The following USP24 variants were observed in gnomAD, a reference collection of about 807,000 sequenced individuals.
USP24 encodes ubiquitin specific peptidase 24.
In USP24, 97 loss-of-function variants were observed where a neutral mutation model predicts 361.6. That is an observed-to-expected ratio of 0.27 (90% CI 0.23 to 0.32). The LOEUF is 0.32. Ranked by LOEUF, USP24 falls within the 10% of genes least tolerant of loss-of-function variation. The probability of loss-of-function intolerance (pLI) is 1.00; values close to 1 mark genes in which losing one functional copy is unlikely to be tolerated. For missense variants in USP24, 2,353 were observed against 3,165.6 expected, an observed-to-expected ratio of 0.74 and a Z score of 6.16; for synonymous variants, 1,098 against 1,124.6, an observed-to-expected ratio of 0.98 and a Z score of 0.47.
intron 58 of USP24, among the ~76,000 whole-genome samples, chr1:55,081,689 G>C (rs1334245253): frequency 1.3e-5 from 2 of 152,186 alleles, no homozygotes; most frequent in African/African-American, 4.8e-5. Context: ...GAAAAACTCT[G>C]AGGCTGGAGA....
chr1:55,171,298 T>C lies in USP24; in HGVS notation c.825+258A>G, dbSNP rs550296297. On this transcript the variant is annotated intron_variant, in intron 5 of 67. Transcript: ENST00000294383. Reference sequence around the variant, plus strand: ...TTAAACTGGGGTTCTGATAATCTAATAGATGACGCTAAAGACATTTCTCAT... The same window carrying C: ...TTAAACTGGGGTTCTGATAATCTAACAGATGACGCTAAAGACATTTCTCAT... Among the ~76,000 whole-genome samples, 21 of 152,310 alleles carry C rather than the reference T, an allele frequency of 1.4e-4. No homozygotes were observed. In the South Asian group the frequency reaches 1.4e-3, roughly 11 times the overall value.
chr1:55,128,712 C>CTTTT (rs1557604215), intron 32 of USP24, among the ~76,000 whole-genome samples: 1 of 141,520 alleles, frequency 7.1e-6, no homozygotes, highest in Non-Finnish European at 1.6e-5. Flanking sequence ...TGCTTTAATA[C>CTTTT]CTTTTTTTTT....
intron 56 of USP24, 87 bp downstream of exon 56, chr1:55,085,855 C>T: frequency 7.2e-7 from 1 of 1,380,202 alleles, no homozygotes; most frequent in Non-Finnish European, 1.0e-6. Flanking sequence ...TACCAGACTC[C>T]AATCCTAGGC....
At chr1:55,104,727 A>C (rs1160598732) in intron 41 of USP24, among the ~76,000 whole-genome samples, 1 of 152,164 alleles carries the variant, frequency 6.6e-6, no homozygotes, top group Non-Finnish European at 1.5e-5. Flanking sequence ...ATGTAGGAGG[A>C]GGCATTTAAG....
intron 26 of USP24, 121 bp from the exon 27 acceptor site, chr1:55,138,025 C>A: frequency 1.0e-6 from 1 of 955,786 alleles, no homozygotes; most frequent in South Asian, 1.6e-5. Context: ...CAGCAGAGAA[C>A]ATAAAGACAA....
rs781702444 is a variant in USP24 at position 55,096,940 on chromosome 1, G to A, written c.5936+12C>T. 2.5e-6 allele frequency: 4 copies of A among 1,610,654 alleles called. No individual in the cohort carries two copies. The highest frequency in any genetic ancestry group is 2.2e-5 in the East Asian group (1 of 44,764). On this transcript the variant is annotated intron_variant, in intron 49 of 67. Transcript: ENST00000294383. Reference sequence around the variant, plus strand: ...CAGAAAGTGAGTAAGTGCTGCCTCAGGAAACTCTTACCGCCTGTCCTTAAT... The same window carrying A: ...CAGAAAGTGAGTAAGTGCTGCCTCAAGAAACTCTTACCGCCTGTCCTTAAT...
At chr1:55,106,563 G>A (rs1182580024) in intron 40 of USP24, among the ~76,000 whole-genome samples, 6 of 152,276 alleles carry the variant, frequency 3.9e-5, no homozygotes, top group African/African-American at 9.6e-5. Context: ...ACACCACAAG[G>A]CAGAATGGTT....
intron 1 of USP24, among the ~76,000 whole-genome samples, chr1:55,195,757 C>G (rs757818297): frequency 1.3e-5 from 2 of 152,050 alleles, no homozygotes; most frequent in Non-Finnish European, 2.9e-5. Context: ...AGCTCAGAAA[C>G]AGAAAGTAAA....
intron 12 of USP24, among the ~76,000 whole-genome samples, chr1:55,156,044 C>T (rs190915733): frequency 2.0e-5 from 3 of 152,218 alleles, no homozygotes; most frequent in East Asian, 1.9e-4. Context: ...GTTTCTACTT[C>T]CTGACTAGAT....
chr1:55,125,294 A>C, intron 34 of USP24, 26 bp downstream of exon 34: 1 of 1,603,198 alleles, frequency 6.2e-7, no homozygotes, highest in South Asian at 1.1e-5. Flanking sequence ...AGGGACTAAA[A>C]TGTCTTGAAT....
At chr1:55,124,390 C>G in intron 35 of USP24, 79 bp downstream of exon 35, 1 of 1,492,588 alleles carries the variant, frequency 6.7e-7, no homozygotes, top group South Asian at 1.3e-5. Context: ...ATTTTTGTGA[C>G]TCTGGCAAAC....
chr1:55,079,793 T>TGAGTACTCTCACAGAGTACTCA lies in USP24; in HGVS notation c.7079-135_7079-134insTGAGTACTCTGTGAGAGTACTC, dbSNP rs1553143024. Reference sequence around the variant, plus strand: ...GTACTCTCACAGAGTACTCACACACTGAGTACTCACACACTGAGTACTCGC... The same window carrying TGAGTACTCTCACAGAGTACTCA: ...GTACTCTCACAGAGTACTCACACACTGAGTACTCTCACAGAGTACTCAGAGTACTCACACACTGAGTACTCGC... On this transcript the variant is annotated intron_variant, in intron 59 of 67. Coordinates refer to ENST00000294383, the MANE Select transcript of USP24 (RefSeq NM_015306.3). The TGAGTACTCTCACAGAGTACTCA allele has an allele frequency of 7.8e-4, 815 of 1,051,350 alleles. 10 individuals carry two copies. The African/African-American group carries it at 0.013, about 17-fold the overall frequency. The allele number at this position is 1,051,350 out of a possible 1,614,324, so 65.1% of individuals were successfully genotyped here. A position where few individuals can be genotyped will look rare whatever the true frequency, so the allele number is the denominator to read the frequency against.
intron 3 of USP24, 24 bp from the exon 4 acceptor site, chr1:55,172,544 T>C (rs368844505): frequency 1.9e-6 from 3 of 1,592,130 alleles, no homozygotes; most frequent in Non-Finnish European, 2.6e-6. Flanking sequence ...AAGGGCAATC[T>C]AGAGTCTAAC....
At chr1:55,196,433 CTG>C (rs1226552506) in intron 1 of USP24, among the ~76,000 whole-genome samples, 1 of 152,170 alleles carries the variant, frequency 6.6e-6, no homozygotes, top group Non-Finnish European at 1.5e-5. Context: ...TAAGAATTGA[CTG>C]TGTTGGGTAG....
rs952042971 is a variant in USP24, at chr1:55,176,436, G to A, written c.498C>T (p.Ser166=). ...ACCTTCTACAATTCTCATCAGACTCGGAAAGACCTTAGTAAAATGCATGAA... is the reference window on the plus strand; with the variant it reads ...ACCTTCTACAATTCTCATCAGACTCAGAAAGACCTTAGTAAAATGCATGAA... ...ASTYLARLGL[S]ESDENCRRFM... The change falls in exon 3 of 68, where the codon TCC becomes TCT. Residue 166 remains serine, a synonymous_variant. Coordinates refer to ENST00000294383, the MANE Select transcript of USP24 (RefSeq NM_015306.3). 1.1e-5 allele frequency: 17 copies of A among 1,568,100 alleles called. No homozygotes were observed. Among genetic ancestry groups the A allele is most frequent in the African/African-American group, 2.7e-5 (2 of 73,938 alleles).
intron 1 of USP24, among the ~76,000 whole-genome samples, chr1:55,184,043 T>C (rs1644055388): frequency 6.6e-6 from 1 of 152,060 alleles, no homozygotes. Flanking sequence ...AGAAAGGCTG[T>C]TCTTTTTCCC....
chr1:55,104,078 T>C (rs1645710560), intron 41 of USP24, 58 bp from the exon 42 acceptor site: 1 of 1,518,200 alleles, frequency 6.6e-7, no homozygotes, highest in Non-Finnish European at 8.8e-7. Context: ...AAATTACTCA[T>C]TAAACTAAAT....
intron 41 of USP24, among the ~76,000 whole-genome samples, chr1:55,104,675 C>G (rs1374279587): frequency 2.0e-5 from 3 of 152,080 alleles, no homozygotes; most frequent in Non-Finnish European, 4.4e-5. Flanking sequence ...GAAGGATACA[C>G]AGAAAAGAGG....
In USP24 at chr1:55,178,544, C is replaced by T. The variant is rs189969203; in HGVS notation, c.325-412G>A. On this transcript the variant is annotated intron_variant, in intron 1 of 67. Coordinates refer to ENST00000294383, the MANE Select transcript of USP24 (RefSeq NM_015306.3). ...ATTAGCCAGGTGTAGTGGCGGGCGC[C>T]TGTAGTCCCAGCTACTCGGGAGGCT... is the stretch of plus-strand genomic sequence containing the variant. Among the ~76,000 whole-genome samples the T allele has an allele frequency of 1.7e-3, 264 of 151,790 alleles. 1 individual carries two copies. Among genetic ancestry groups the T allele is most frequent in the Middle Eastern group, 3.4e-3 (1 of 294 alleles).
Sources: allele counts gnomAD v4.1 joint callset (sites outside exome capture counted in the v4.1 genomes callset), GRCh38; gene constraint gnomAD v4.1.1; transcripts MANE v1.5; gene names NCBI Gene and HGNC (gene_info 2026-07-23, HGNC 2026-07-21).